The following CSMD1 variants were observed in gnomAD, a reference collection of about 807,000 sequenced individuals.
CSMD1 encodes the protein CUB and Sushi multiple domains 1.
CSMD1 carries 213 observed loss-of-function variants against 417.5 expected under a neutral mutation model. That is an observed-to-expected ratio of 0.51 (90% CI 0.46 to 0.57). CSMD1 has a LOEUF of 0.57. Among genes scored for constraint, CSMD1 ranks in the 20% least tolerant of loss-of-function variants. The pLI is 0.00. For synonymous variants in CSMD1, 2,862 were observed against 1,736.8 expected (o/e 1.65, Z -16.11); for missense variants, 6,923 against 4,529.7 (o/e 1.53, Z -15.17).
intron 2 of CSMD1, among the ~76,000 whole-genome samples, chr8:4,514,987 T>C (rs1051360659): frequency 6.6e-6 from 1 of 152,186 alleles, no homozygotes; most frequent in Non-Finnish European, 1.5e-5. Flanking sequence ...GTGGAAATGA[T>C]TTACATTTTA....
chr8:3,979,098 T>C (rs891935991), intron 5 of CSMD1, among the ~76,000 whole-genome samples: 1 of 152,202 alleles, frequency 6.6e-6, no homozygotes, highest in Non-Finnish European at 1.5e-5. Context: ...CAGTAGCCAG[T>C]GCATTTAGAG....
At chr8:4,427,272 T>C (rs1346814065) in intron 2 of CSMD1, among the ~76,000 whole-genome samples, 5 of 152,120 alleles carry the variant, frequency 3.3e-5, no homozygotes, top group African/African-American at 1.2e-4. Context: ...TCACTTGAGT[T>C]ATGTGGCCTT....
At chr8:4,111,364 A>T (rs1453069803) in intron 3 of CSMD1, among the ~76,000 whole-genome samples, 1 of 152,198 alleles carries the variant, frequency 6.6e-6, no homozygotes, top group African/African-American at 2.4e-5. Flanking sequence ...TTTATTGATG[A>T]AATACACATG....
chr8:4,938,883 CT>C (rs1188350008), intron 1 of CSMD1, among the ~76,000 whole-genome samples: 1 of 152,134 alleles, frequency 6.6e-6, no homozygotes, highest in Non-Finnish European at 1.5e-5. Context: ...TTGCATTTTC[CT>C]GATGATTACT....
chr8:2,989,783 T>C (rs760568862), intron 54 of CSMD1, among the ~76,000 whole-genome samples: 1 of 152,248 alleles, frequency 6.6e-6, no homozygotes, highest in Non-Finnish European at 1.5e-5. Flanking sequence ...GCCCACTCTT[T>C]TGAGTTCAGT....
chr8:3,984,445 C>T (rs1045115214), intron 5 of CSMD1, among the ~76,000 whole-genome samples: 1 of 151,824 alleles, frequency 6.6e-6, no homozygotes, highest in African/African-American at 2.4e-5. Flanking sequence ...AACAGAGAGG[C>T]ACATTGATAT....
At chr8:3,988,494 G>C (rs371918529) in intron 5 of CSMD1, among the ~76,000 whole-genome samples, 2 of 152,196 alleles carry the variant, frequency 1.3e-5, no homozygotes, top group African/African-American at 4.8e-5. Context: ...CGGAACAGCA[G>C]CACCAACCAG....
chr8:3,311,672 G>A (rs929401538), intron 23 of CSMD1, among the ~76,000 whole-genome samples: 2 of 152,144 alleles, frequency 1.3e-5, no homozygotes, highest in East Asian at 1.9e-4. Flanking sequence ...TACTGAACGT[G>A]TATTACTTTT....
intron 60 of CSMD1, 56 bp downstream of exon 60, chr8:2,963,166 A>G: frequency 6.3e-7 from 1 of 1,580,208 alleles, no homozygotes; most frequent in Non-Finnish European, 8.7e-7. Flanking sequence ...TGCCCTGGTT[A>G]TCCGTCCCTG....
chr8:3,157,174 G>A (rs1343177325), intron 39 of CSMD1, among the ~76,000 whole-genome samples: 2 of 152,152 alleles, frequency 1.3e-5, no homozygotes, highest in Admixed American at 6.5e-5. Flanking sequence ...TGAGCTACAG[G>A]TAAAGGTTTC....
chr8:4,344,478 T>G (rs1395538406), intron 3 of CSMD1, among the ~76,000 whole-genome samples: 5 of 151,898 alleles, frequency 3.3e-5, no homozygotes, highest in African/African-American at 7.2e-5. Context: ...TGTCTACCTC[T>G]ATCTCTCAAT....
chr8:3,562,560 A>G (rs1416424022), intron 10 of CSMD1, among the ~76,000 whole-genome samples: 1 of 152,200 alleles, frequency 6.6e-6, no homozygotes, highest in African/African-American at 2.4e-5. Flanking sequence ...TTCCCCACTT[A>G]AAACTCTCCC....
At chr8:4,164,248 A>G (rs1584940095) in intron 3 of CSMD1, among the ~76,000 whole-genome samples, 2 of 152,352 alleles carry the variant, frequency 1.3e-5, no homozygotes, top group South Asian at 2.1e-4. Flanking sequence ...TTAGAAAAAA[A>G]CAAAATGATG....
At chr8:3,892,344 G>C (rs1204131150) in intron 5 of CSMD1, among the ~76,000 whole-genome samples, 2 of 152,068 alleles carry the variant, frequency 1.3e-5, no homozygotes, top group African/African-American at 4.8e-5. Context: ...ATGTCTTCAA[G>C]AAGACGTGTG....
chr8:4,150,375 T>C (rs1378029044), intron 3 of CSMD1, among the ~76,000 whole-genome samples: 1 of 152,222 alleles, frequency 6.6e-6, no homozygotes, highest in African/African-American at 2.4e-5. Flanking sequence ...CTGTCTTTTG[T>C]GCCTGGCTAC....
chr8:3,380,720 T>C (rs1810578111), intron 18 of CSMD1, among the ~76,000 whole-genome samples: 1 of 151,912 alleles, frequency 6.6e-6, no homozygotes. Flanking sequence ...TGGGGAAACA[T>C]CACACACTGG....
intron 1 of CSMD1, among the ~76,000 whole-genome samples, chr8:4,814,298 C>G (rs573276718): frequency 6.6e-6 from 1 of 152,044 alleles, no homozygotes. Flanking sequence ...CAGGCTGGAG[C>G]GCAATGGCAC....
chr8:4,368,101 A>C (rs540442967), intron 3 of CSMD1, among the ~76,000 whole-genome samples: 47 of 152,186 alleles, frequency 3.1e-4, no homozygotes, highest in African/African-American at 1.1e-3. Flanking sequence ...TCTCAAGGGG[A>C]GTGCTTCTAG....
At chr8:3,762,359 G>A (rs1361338488) in intron 5 of CSMD1, among the ~76,000 whole-genome samples, 1 of 152,156 alleles carries the variant, frequency 6.6e-6, no homozygotes, top group African/African-American at 2.4e-5. Context: ...CAGTCTCAGG[G>A]AAGCCTGCCC....
Sources: gnomAD v4.1 joint callset for allele counts (sites outside exome capture counted in the v4.1 genomes callset) on GRCh38, gnomAD v4.1.1 for gene constraint, MANE v1.5 for transcripts, NCBI Gene and HGNC (gene_info 2026-07-23, HGNC 2026-07-21) for gene names.